Variants in ABCF1 observed in about 807,000 individuals in gnomAD.
The protein encoded by ABCF1 is ATP binding cassette subfamily F member 1.
In ABCF1, 73 loss-of-function variants were observed where a neutral mutation model predicts 126.3. The observed-to-expected ratio is 0.58, with a 90% confidence interval of 0.48 to 0.70. The LOEUF (loss-of-function observed/expected upper bound fraction) is 0.70, where lower values mean the gene tolerates loss of function less well. ABCF1 is among the 30% of genes least tolerant of loss of function. The pLI is 0.00. For missense variants in ABCF1, 786 were observed against 1,057.5 expected (o/e 0.74, Z 3.56); for synonymous variants, 345 against 396.4 (o/e 0.87, Z 1.54).
chr6:30,576,313 A>T (rs538095424), intron 1 of ABCF1, among the ~76,000 whole-genome samples: 1 of 92,618 alleles, frequency 1.1e-5, no homozygotes, highest in Non-Finnish European at 1.9e-5. Context: ...TTTGAGATAG[A>T]GTCTTGCTCT....
rs1449434294 is a variant in ABCF1, at chr6:30,590,082, A to C, written c.2234-67A>C. 1.6e-5 allele frequency: 25 copies of C among 1,609,664 alleles called. No homozygotes were observed. The East Asian group carries it at 5.6e-4, about 36-fold the overall frequency. ...GGAGCCTCAGCTCACAAACTGGCAC[A>C]TCTTGAGGGTTTGCCTTCAGAATGT... On this transcript the variant is annotated intron_variant, in intron 22 of 24. Transcript: ENST00000326195.
Position 30,586,478 on chromosome 6 carries a change from G to C in ABCF1, c.1890G>C (p.Val630=). The change falls in exon 19 of 25, where the codon GTG becomes GTC. Residue 630 remains valine, a synonymous_variant. Transcript: ENST00000326195. This position sits in a 1 kb window ranked among gnomAD's most constrained non-coding sequence, Gnocchi z 4.9. ...LSPPVLGLHG[V]TFGYQGQKPL... Reference sequence around the variant, plus strand: ...GCTTCTTTTCGTGGCTTTCAGGTGTGACATTCGGCTACCAGGGACAGAAAC... The same window carrying C: ...GCTTCTTTTCGTGGCTTTCAGGTGTCACATTCGGCTACCAGGGACAGAAAC... 5 of 1,613,704 alleles carry C rather than the reference G, an allele frequency of 3.1e-6. No individual in the cohort carries two copies. The highest frequency in any genetic ancestry group is 4.2e-6 in the Non-Finnish European group (5 of 1,180,028).
chr6:30,582,972 C>T (rs887054114), intron 9 of ABCF1, 94 bp from the exon 10 acceptor site: 4 of 1,500,848 alleles, frequency 2.7e-6, no homozygotes, highest in South Asian at 1.3e-5. Context: ...GGATTACAGG[C>T]GTGAGCCAGC....
At chr6:30,576,140 T>A (rs1801485895) in intron 1 of ABCF1, among the ~76,000 whole-genome samples, 8 of 150,454 alleles carry the variant, frequency 5.3e-5, no homozygotes, top group Admixed American at 5.3e-4. Context: ...TCTACACATA[T>A]CTCCCAAATT....
rs1801405006 is a variant in ABCF1 at position 30,574,668 on chromosome 6, G to C, written c.74-2741G>C. Among the ~76,000 whole-genome samples, 2 of 152,140 alleles carry C rather than the reference G, an allele frequency of 1.3e-5. No homozygotes were observed. The highest frequency in any genetic ancestry group is 4.8e-5 in the African/African-American group (2 of 41,422). ...GCACAATTTTTCAACTCTCACACTAGTCACCCAATACTGGGCTCAGATTTT... is the reference window on the plus strand; with the variant it reads ...GCACAATTTTTCAACTCTCACACTACTCACCCAATACTGGGCTCAGATTTT... On this transcript the variant is annotated intron_variant, in intron 1 of 24. Coordinates refer to ENST00000326195, the MANE Select transcript of ABCF1 (RefSeq NM_001025091.2). This position sits in a 1 kb window ranked among gnomAD's most constrained non-coding sequence, Gnocchi z 4.3.
intron 1 of ABCF1, among the ~76,000 whole-genome samples, chr6:30,575,753 A>G (rs1224594092): frequency 6.6e-6 from 1 of 152,052 alleles, no homozygotes; most frequent in Non-Finnish European, 1.5e-5. Flanking sequence ...CTCTATTTAC[A>G]TGGCCTATAG....
intron 16 of ABCF1, 92 bp from the exon 17 acceptor site, chr6:30,585,787 A>C (rs937518512): frequency 6.4e-6 from 10 of 1,563,944 alleles, no homozygotes; most frequent in African/African-American, 1.4e-5. Flanking sequence ...AATTCCAGAC[A>C]GTGATGCCTA....
At position 30,578,211 on chromosome 6, in the gene ABCF1, C is replaced by T. The variant is rs778909233; in HGVS notation, c.343+9C>T. 3 of 1,613,744 alleles carry T rather than the reference C, an allele frequency of 1.9e-6. 1 individual carries two copies. The highest frequency in any genetic ancestry group is 1.7e-5 in the Admixed American group (1 of 59,936). ...TGATGAGGAGGATGAAGGTAAATGA[C>T]CTGAGGGGGAATGGGTACCTGGAAT... On this transcript the variant is annotated intron_variant, in intron 4 of 24. Coordinates refer to ENST00000326195, the MANE Select transcript of ABCF1 (RefSeq NM_001025091.2).
At chr6:30,585,071 C>T (rs988648908) in intron 14 of ABCF1, among the ~76,000 whole-genome samples, 189 bp from the exon 15 acceptor site, 3 of 152,118 alleles carry the variant, frequency 2.0e-5, no homozygotes, top group South Asian at 2.1e-4. Context: ...TGCCACTGCA[C>T]GACAGCCTGG....
At position 30,583,411 on chromosome 6, in the gene ABCF1, G is replaced by C. The variant is rs1217799358; in HGVS notation, c.916-197G>C. On this transcript the variant is annotated intron_variant, in intron 10 of 24. Transcript: ENST00000326195. This position sits in a 1 kb window ranked among gnomAD's most constrained non-coding sequence, Gnocchi z 4.1. Reference sequence around the variant, plus strand: ...AAATAGTGTGGGACAGACTAGACTAGCTGAGGATGCATGGGGCTCCCATTA... The same window carrying C: ...AAATAGTGTGGGACAGACTAGACTACCTGAGGATGCATGGGGCTCCCATTA... Among the ~76,000 whole-genome samples the C allele has an allele frequency of 1.3e-5, 2 of 152,230 alleles. No homozygotes were observed. Among genetic ancestry groups the C allele is most frequent in the Non-Finnish European group, 2.9e-5 (2 of 68,044 alleles).
rs1205550198 is a variant in ABCF1, at chr6:30,583,058, C to T, written c.793-8C>T. Reference sequence around the variant, plus strand: ...TGGCTTCAAATGTAGTTTTTCCTACCTTCTCAGATGGAGTATGAGCGCCAA... The same window carrying T: ...TGGCTTCAAATGTAGTTTTTCCTACTTTCTCAGATGGAGTATGAGCGCCAA... On this transcript the variant is annotated splice_region_variant and splice_polypyrimidine_tract_variant and intron_variant, in intron 9 of 24. Coordinates refer to ENST00000326195, the MANE Select transcript of ABCF1 (RefSeq NM_001025091.2). This position sits in a 1 kb window ranked among gnomAD's most constrained non-coding sequence, Gnocchi z 4.1. 1 of 1,598,292 alleles carries T rather than the reference C, an allele frequency of 6.3e-7. No homozygotes were observed. The highest frequency in any genetic ancestry group is 1.7e-5 in the Admixed American group (1 of 59,272).
chr6:30,586,569 CAG>C lies in ABCF1; in HGVS notation c.1960+22_1960+23del, dbSNP rs1802146970. The C allele has an allele frequency of 1.2e-6, 2 of 1,613,126 alleles. No homozygotes were observed. Among genetic ancestry groups the C allele is most frequent in the African/African-American group, 1.3e-5 (1 of 74,904 alleles). On this transcript the variant is annotated intron_variant, in intron 19 of 24. Coordinates refer to ENST00000326195, the MANE Select transcript of ABCF1 (RefSeq NM_001025091.2). This position sits in a 1 kb window ranked among gnomAD's most constrained non-coding sequence, Gnocchi z 4.9. The stretch of plus-strand genomic sequence containing the variant: ...AAGGAGTGAGTTGGCGGGGTTGCCT[CAG>C]GGATGTGTAGCAGGAGCCACAGGGA...
chr6:30,590,744 C>T lies in ABCF1; in HGVS notation c.*43C>T, dbSNP rs770587208. ...TCTCCCGAGAGACATATTTGTGTGG[C>T]CTAGAAGTCCTCTGTGGTCTCCCCT... On this transcript the variant is annotated 3_prime_UTR_variant, in exon 25 of 25. Coordinates refer to ENST00000326195, the MANE Select transcript of ABCF1 (RefSeq NM_001025091.2). The T allele has an allele frequency of 1.9e-6, 3 of 1,556,164 alleles. No homozygotes were observed. Among genetic ancestry groups the T allele is most frequent in the East Asian group, 4.5e-5 (2 of 44,392 alleles).
rs754620950 is a variant in ABCF1 at position 30,571,522 on chromosome 6, C to T, written c.35C>T (p.Pro12Leu). Residue 12 changes from proline (P) to leucine (L), a missense_variant, in exon 1 of 25, where the codon CCC becomes CTC. By Grantham distance (98) the Pro-to-Leu change is moderately conservative. Around this residue, in one of 4 missense-constraint regions of ABCF1, gnomAD observed 322 missense variants for 322.9 expected, o/e 1.00. Transcript: ENST00000326195. The part of the protein sequence containing the change: ...PKAPKQQPPE[P>L]EWIGDGESTS... ...GCGCCCAAGCAGCAGCCGCCGGAGC[C>T]CGAGTGGATCGGGGACGGAGAGAGC... The T allele has an allele frequency of 1.9e-6, 3 of 1,611,204 alleles. No individual in the cohort carries two copies. The highest frequency in any genetic ancestry group is 2.7e-5 in the African/African-American group (2 of 74,892).
intron 2 of ABCF1, 64 bp downstream of exon 2, chr6:30,577,519 A>G (rs773174822): frequency 3.8e-6 from 6 of 1,578,018 alleles, no homozygotes; most frequent in Non-Finnish European, 4.3e-6. Context: ...ATAAATAGCC[A>G]TGTGAAGGAG....
chr6:30,577,884 GAGC>G lies in ABCF1; in HGVS notation c.201_203del (p.Gln73del). On this transcript the variant is annotated inframe_deletion, in exon 3 of 25. Transcript: ENST00000326195. The stretch of plus-strand genomic sequence containing the variant: ...AGAAGAGAAAGTGCTCAAGGAGAAG[GAGC>G]AGCAGCAGCAGCAACAGCAACAGCA... 1 of 1,613,962 alleles carries G rather than the reference GAGC, an allele frequency of 6.2e-7. No individual in the cohort carries two copies. Among genetic ancestry groups the G allele is most frequent in the East Asian group, 2.2e-5 (1 of 44,886 alleles).
In ABCF1 at chr6:30,586,021, G is replaced by A. The variant is rs773619501; in HGVS notation, c.1713+30G>A. 1.3e-6 allele frequency: 2 copies of A among 1,597,422 alleles called. No homozygotes were observed. The highest frequency in any genetic ancestry group is 1.3e-5 in the African/African-American group (1 of 74,412). On this transcript the variant is annotated intron_variant, in intron 17 of 24. Transcript: ENST00000326195. This position sits in a 1 kb window ranked among gnomAD's most constrained non-coding sequence, Gnocchi z 4.9. ...GCACCTGAGGGACTTCTGGGCTGGG[G>A]GCCACTGTTCTCTCCTGGCAGTGGA...
chr6:30,583,111 G>T lies in ABCF1; in HGVS notation c.838G>T (p.Ala280Ser). ...GGCTTCATTAAAAGCAGCCAATGCA[G>T]CTGAAAATGACTTCTCCGTGTCCCA... ...QVASLKAANA[A>S]ENDFSVSQAE... The change falls in exon 10 of 25, where the codon GCT becomes TCT. Residue 280 changes from alanine (A) to serine (S), a missense_variant. Around this residue, in one of 4 missense-constraint regions of ABCF1, gnomAD observed 163 missense variants for 255.3 expected, o/e 0.64. Coordinates refer to ENST00000326195, the MANE Select transcript of ABCF1 (RefSeq NM_001025091.2). The surrounding 1 kb of genome is among the most constrained non-coding windows in gnomAD (Gnocchi z 4.1). The T allele has an allele frequency of 6.2e-7, 1 of 1,611,798 alleles. No homozygotes were observed. The highest frequency in any genetic ancestry group is 8.5e-7 in the Non-Finnish European group (1 of 1,178,890).
chr6:30,590,676 T>G lies in ABCF1; in HGVS notation c.2513T>G (p.Val838Gly). Residue 838 changes from valine to glycine, a missense_variant, in exon 25 of 25, where the codon GTC becomes GGC. Val to Gly is a moderately radical substitution (Grantham distance 109, BLOSUM62 -3). Coordinates refer to ENST00000326195, the MANE Select transcript of ABCF1 (RefSeq NM_001025091.2). ...GAGGTGTTGGAGGCCCTGGGTGAAG[T>G]CATGGTCAGCCGGCCCCGAGAGTGA... ...KREVLEALGE[V>G]MVSRPRE The G allele has an allele frequency of 6.2e-7, 1 of 1,601,900 alleles. No homozygotes were observed. The highest frequency in any genetic ancestry group is 8.5e-7 in the Non-Finnish European group (1 of 1,177,328).
Sources: allele counts gnomAD v4.1 joint callset (sites outside exome capture counted in the v4.1 genomes callset), GRCh38; gene constraint gnomAD v4.1.1; regional missense constraint gnomAD v4.1.1; non-coding constraint Gnocchi (gnomAD v3.1); transcripts MANE v1.5; gene names NCBI Gene and HGNC (gene_info 2026-07-23, HGNC 2026-07-21).